DPH6: variants seen among roughly 807,000 people sequenced by gnomAD.
The protein encoded by DPH6 is diphthamine biosynthesis 6, also known as diphthine--ammonia ligase.
A neutral mutation model predicts 38.2 loss-of-function variants in DPH6; 33 were observed. The ratio of observed to expected loss-of-function variants is 0.86; its 90% confidence interval spans 0.65 to 1.15. The LOEUF (loss-of-function observed/expected upper bound fraction) is 1.15. Among genes scored for constraint, DPH6 ranks in the 50% most tolerant of loss-of-function variants. The probability of loss-of-function intolerance (pLI) is 0.00; values close to 1 mark genes in which losing one functional copy is unlikely to be tolerated. For synonymous variants in DPH6, 108 were observed against 103.0 expected (o/e 1.05, Z -0.30); for missense variants, 325 against 320.0 (o/e 1.02, Z -0.12).
chr15:35,462,052 T>C (rs1169154874), intron 3 of DPH6, among the ~76,000 whole-genome samples: 2 of 152,172 alleles, frequency 1.3e-5, no homozygotes, highest in African/African-American at 2.4e-5. Flanking sequence ...CCAAAAACTT[T>C]AGATTCACTC....
At chr15:35,237,958 C>T (rs749435548) in intron 3 of DPH6, 36 of 1,419,836 alleles carry the variant, frequency 2.5e-5, no homozygotes, top group Middle Eastern at 1.7e-4. Flanking sequence ...AAGGTTATAA[C>T]GATGGAGAGG....
chr15:35,171,905 T>C, the DPH6 span, among the ~76,000 whole-genome samples: 1 of 152,134 alleles, frequency 6.6e-6, no homozygotes, highest in Non-Finnish European at 1.5e-5. Context: ...TTTCACTCTG[T>C]TGCTCAGGCT....
intron 3 of DPH6, among the ~76,000 whole-genome samples, chr15:35,527,355 GA>G (rs1425270212): frequency 6.6e-6 from 1 of 152,132 alleles, no homozygotes; most frequent in Non-Finnish European, 1.5e-5. Context: ...TGGAGCAACT[GA>G]ATTCCAGAGG....
chr15:35,531,957 G>A (rs879416821), intron 3 of DPH6, among the ~76,000 whole-genome samples: 3 of 152,102 alleles, frequency 2.0e-5, no homozygotes, highest in Admixed American at 6.6e-5. Context: ...ATGATGCAAT[G>A]AGACCCACAG....
intron 3 of DPH6, among the ~76,000 whole-genome samples, chr15:35,235,893 C>CAA (rs143925711): frequency 0.027 from 4,128 of 152,150 alleles, 179 homozygotes; most frequent in African/African-American, 0.095. Flanking sequence ...ATTGTGCTTT[C>CAA]AAAGTTTAAT....
chr15:35,459,080 C>T (rs2054031522), intron 3 of DPH6, among the ~76,000 whole-genome samples: 1 of 152,138 alleles, frequency 6.6e-6, no homozygotes, highest in Non-Finnish European at 1.5e-5. Flanking sequence ...ATGTTGTATT[C>T]AATTTGTTTG....
intron 3 of DPH6, among the ~76,000 whole-genome samples, chr15:35,304,742 G>T (rs2052076571): frequency 6.6e-6 from 1 of 151,036 alleles, no homozygotes; most frequent in African/African-American, 2.4e-5. Flanking sequence ...TAAAAAAACA[G>T]TATGTTTAAG....
intron 3 of DPH6, among the ~76,000 whole-genome samples, chr15:35,333,748 A>G (rs1215185785): frequency 6.6e-6 from 1 of 152,178 alleles, no homozygotes; most frequent in Non-Finnish European, 1.5e-5. Context: ...CAGAAATACT[A>G]TTTGACCCAG....
chr15:35,392,294 A>C (rs192206689), intron 6 of DPH6, among the ~76,000 whole-genome samples: 220 of 152,284 alleles, frequency 1.4e-3, no homozygotes, highest in African/African-American at 5.1e-3. Context: ...TGAATGGCTA[A>C]GGGCGTCATG....
rs576254421 is a variant in DPH6, at chr15:35,468,817, C to T, written c.313-13997G>A. ...GCGCGGTGGCTCATGCCAGTAATCC[C>T]AGCACTTTGGGAGGCTGAGGCAGGT... is the stretch of plus-strand genomic sequence containing the variant. On this transcript the variant is annotated intron_variant, in intron 3 of 8. Transcript: ENST00000256538. Among the ~76,000 whole-genome samples the T allele has an allele frequency of 1.4e-3, 208 of 152,198 alleles. 1 individual carries two copies. The highest frequency in any genetic ancestry group is 0.01 in the Middle Eastern group (3 of 294).
intron 3 of DPH6, among the ~76,000 whole-genome samples, chr15:35,270,872 G>A (rs977601554): frequency 2.0e-5 from 3 of 152,116 alleles, no homozygotes; most frequent in African/African-American, 7.2e-5. Flanking sequence ...GCAGTTTTAC[G>A]ATGTAAAGAT....
chr15:35,474,936 C>A lies in DPH6; in HGVS notation c.313-20116G>T, dbSNP rs565518233. Among the ~76,000 whole-genome samples the A allele has an allele frequency of 2.1e-3, 326 of 151,760 alleles. 2 individuals are homozygous for A. Among genetic ancestry groups the A allele is most frequent in the African/African-American group, 7.6e-3 (316 of 41,426 alleles). On this transcript the variant is annotated intron_variant, in intron 3 of 8. Transcript: ENST00000256538. Reference sequence around the variant, plus strand: ...AATTAAAGAAATCAATAATAAAAAACTTGGATACAATCACATTTGGGATTA... The same window carrying A: ...AATTAAAGAAATCAATAATAAAAAAATTGGATACAATCACATTTGGGATTA...
chr15:35,523,683 T>C (rs2054957312), intron 3 of DPH6, among the ~76,000 whole-genome samples: 1 of 152,112 alleles, frequency 6.6e-6, no homozygotes, highest in Non-Finnish European at 1.5e-5. Context: ...ATTATAAGCA[T>C]ACTAAAATTG....
intron 3 of DPH6, chr15:35,237,094 T>C (rs1055407899): frequency 2.9e-5 from 16 of 549,752 alleles, no homozygotes; most frequent in South Asian, 4.3e-5. Context: ...TGCTTAGGTA[T>C]TGGGTTTTCC....
chr15:35,168,917 C>A, the DPH6 span, among the ~76,000 whole-genome samples: 1 of 151,970 alleles, frequency 6.6e-6, no homozygotes, highest in East Asian at 1.9e-4. Context: ...TGTTTTAAAT[C>A]TATTAGAGAA....
intron 6 of DPH6, among the ~76,000 whole-genome samples, chr15:35,393,077 C>A (rs967048673): frequency 2.0e-5 from 3 of 152,054 alleles, no homozygotes; most frequent in African/African-American, 4.8e-5. Context: ...AGGTTTTAAG[C>A]AAAAAACTGA....
chr15:35,388,585 C>G (rs1250025778), intron 6 of DPH6, among the ~76,000 whole-genome samples: 2 of 152,092 alleles, frequency 1.3e-5, no homozygotes, highest in Non-Finnish European at 2.9e-5. Flanking sequence ...TGTATGTGTC[C>G]AGGAATTTAT....
intron 3 of DPH6, among the ~76,000 whole-genome samples, chr15:35,495,284 A>T (rs956975808): frequency 6.6e-6 from 1 of 152,182 alleles, no homozygotes; most frequent in Non-Finnish European, 1.5e-5. Context: ...ATTATAACAC[A>T]GACATTGTTC....
At chr15:35,520,912 C>T in intron 3 of DPH6, 1 of 985,174 alleles carries the variant, frequency 1.0e-6, no homozygotes. Flanking sequence ...CATTTTGTCA[C>T]TCTCAAAATT....
Sources: gnomAD v4.1 joint callset for allele counts (sites outside exome capture counted in the v4.1 genomes callset) on GRCh38, gnomAD v4.1.1 for gene constraint, MANE v1.5 for transcripts, NCBI Gene and HGNC (gene_info 2026-07-23, HGNC 2026-07-21) for gene names.